SEC14L4: variants seen among roughly 807,000 people sequenced by gnomAD.
The protein encoded by SEC14L4 is SEC14 like lipid binding 4.
A neutral mutation model predicts 55.1 loss-of-function variants in SEC14L4; 42 were observed. The observed-to-expected ratio is 0.76, with a 90% confidence interval of 0.60 to 0.99. The LOEUF (loss-of-function observed/expected upper bound fraction) is 0.99. SEC14L4 is among the 50% of genes least tolerant of loss of function. The pLI, the probability that SEC14L4 is intolerant of heterozygous loss-of-function variation, is 0.00. For missense variants in SEC14L4, 445 were observed against 512.1 expected, an observed-to-expected ratio of 0.87 and a Z score of 1.27; for synonymous variants, 206 against 206.8, an observed-to-expected ratio of 1.00 and a Z score of 0.03.
chr22:30,504,988 C>T (rs1361189573), intron 1 of SEC14L4, among the ~76,000 whole-genome samples: 3 of 151,900 alleles, frequency 2.0e-5, no homozygotes, highest in Non-Finnish European at 2.9e-5. Flanking sequence ...AAAAATTAGT[C>T]GGGTGTGGTG....
chr22:30,496,803 G>A (rs1936166509), intron 2 of SEC14L4, among the ~76,000 whole-genome samples: 1 of 152,210 alleles, frequency 6.6e-6, no homozygotes, highest in Non-Finnish European at 1.5e-5. Flanking sequence ...CTGGCTCACA[G>A]TAGGTTCTCA....
intron 1 of SEC14L4, among the ~76,000 whole-genome samples, chr22:30,504,829 A>G (rs1297319165): frequency 6.6e-6 from 1 of 152,144 alleles, no homozygotes; most frequent in African/African-American, 2.4e-5. Context: ...GGGATTAGAA[A>G]TATGAGGCCG....
At chr22:30,495,167 G>A in intron 5 of SEC14L4, 87 bp downstream of exon 5, 1 of 1,314,592 alleles carries the variant, frequency 7.6e-7, no homozygotes, top group Non-Finnish European at 1.0e-6. Context: ...GGGTGCTGAG[G>A]GCTGGGGAGG....
chr22:30,502,736 A>C (rs1936367971), intron 2 of SEC14L4, among the ~76,000 whole-genome samples: 1 of 152,050 alleles, frequency 6.6e-6, no homozygotes, highest in Admixed American at 6.6e-5. Context: ...TTTTTTGTAG[A>C]GATGAGGTTT....
intron 1 of SEC14L4, among the ~76,000 whole-genome samples, chr22:30,504,578 G>C (rs991828542): frequency 6.6e-6 from 1 of 152,162 alleles, no homozygotes; most frequent in African/African-American, 2.4e-5. Flanking sequence ...GCTTGGCTCC[G>C]AGCAGGTGTC....
rs577785386 is a variant in SEC14L4 at position 30,505,678 on chromosome 22, C to G, written c.-67G>C. The G allele has an allele frequency of 5.2e-4, 747 of 1,440,352 alleles. 5 individuals are homozygous for G. The South Asian group carries it at 5.6e-3, about 11-fold the overall frequency. 89.2% of individuals were successfully genotyped at this position (1,440,352 alleles called of 1,614,324 possible). ...CGCCCGCCGCCGCCTGGCCTTGTAT[C>G]CGCTGCCGCCTGGTTGTGCCTCCTG... On this transcript the variant is annotated 5_prime_UTR_variant, in exon 1 of 12. Transcript: ENST00000255858.
At chr22:30,492,641 A>G (rs1936003766) in intron 7 of SEC14L4, 84 bp from the exon 8 acceptor site, 1 of 1,059,882 alleles carries the variant, frequency 9.4e-7, no homozygotes, top group Non-Finnish European at 1.5e-6. Flanking sequence ...GGTGCTGGAC[A>G]GGAGGTGGAC....
At chr22:30,491,352 G>A (rs1298489271) in intron 11 of SEC14L4, 1 of 598,952 alleles carries the variant, frequency 1.7e-6, no homozygotes, top group East Asian at 2.8e-5. Flanking sequence ...CTTCTTAGGA[G>A]CTGAGCCCAA....
Position 30,494,135 on chromosome 22 carries a change from C to T in SEC14L4, c.580+15G>A, listed in dbSNP as rs369754839. On this transcript the variant is annotated intron_variant, in intron 7 of 11. Coordinates refer to ENST00000255858, the MANE Select transcript of SEC14L4 (RefSeq NM_174977.4). ...CTTCTCCCTCCCCAGGAGGTCATCC[C>T]GGTCATGGGCTTACCTCGAATAACA... is the stretch of plus-strand genomic sequence containing the variant. 3.7e-5 allele frequency: 60 copies of T among 1,604,130 alleles called. No individual in the cohort carries two copies. Among genetic ancestry groups the T allele is most frequent in the Middle Eastern group, 3.3e-4 (2 of 6,070 alleles).
rs373953875 is a variant in SEC14L4, at chr22:30,496,561, A to AC, written c.131-591dup. ...TTGATGTCCCTCAGGAAGCAGAGAC[A>AC]CCCCCCCCCACCACCTGCACAGTGT... On this transcript the variant is annotated intron_variant, in intron 2 of 11. Transcript: ENST00000255858. Among the ~76,000 whole-genome samples, 1,423 of 149,036 alleles carry AC rather than the reference A, an allele frequency of 9.5e-3. 7 individuals are homozygous for AC. The highest frequency in any genetic ancestry group is 0.052 in the Middle Eastern group (15 of 290).
chr22:30,500,650 G>A (rs1184249594), intron 2 of SEC14L4, among the ~76,000 whole-genome samples: 3 of 151,452 alleles, frequency 2.0e-5, no homozygotes, highest in Non-Finnish European at 4.4e-5. Context: ...ACAGGAGTGA[G>A]CCACTGTGCC....
chr22:30,505,457 C>G, intron 1 of SEC14L4, 101 bp downstream of exon 1: 1 of 1,237,342 alleles, frequency 8.1e-7, no homozygotes, highest in Non-Finnish European at 1.1e-6. Flanking sequence ...TCTCTCCAGG[C>G]TCGGTGTTCC....
At position 30,491,681 on chromosome 22, in the gene SEC14L4, C is replaced by G. The variant is rs115178857; in HGVS notation, c.973G>C (p.Gly325Arg). The change falls in exon 11 of 12, where the codon GGG (glycine) becomes CGG (arginine). Residue 325 changes from glycine (G) to arginine (R), a missense_variant. Transcript: ENST00000255858. Reference sequence around the variant, plus strand: ...ATCTCCCTAGCACTCTGCTGCTCCCCCATCTTGGTCTTCAGGAAAACCCCA... The same window carrying G: ...ATCTCCCTAGCACTCTGCTGCTCCCGCATCTTGGTCTTCAGGAAAACCCCA... ...GFGVFLKTKM[G>R]EQQSAREMTE... 2.4e-3 allele frequency: 3,833 copies of G among 1,614,162 alleles called. 60 individuals carry two copies. The African/African-American group carries it at 0.041, about 17-fold the overall frequency.
In SEC14L4 at chr22:30,491,630, A is replaced by G. The variant is rs1350726122; in HGVS notation, c.1024T>C (p.Tyr342His). The change falls in exon 11 of 12, where the codon TAC becomes CAC. Residue 342 changes from tyrosine (Y) to histidine (H), a missense_variant. Transcript: ENST00000255858. Reference protein sequence around the residue: ...EMTEVLPSQRYNAHMVPEDGS... With the variant: ...EMTEVLPSQRHNAHMVPEDGS... ...TCCTCAGGCACCATGTGGGCATTGT[A>G]GCGCTGGCTGGGCAGCACCTCCGTC... 4 of 1,614,040 alleles carry G rather than the reference A, an allele frequency of 2.5e-6. No homozygotes were observed. The African/African-American group carries it at 4.0e-5, about 16-fold the overall frequency.
chr22:30,491,491 C>T (rs1935949415), intron 11 of SEC14L4, 82 bp downstream of exon 11: 2 of 1,544,020 alleles, frequency 1.3e-6, no homozygotes, highest in African/African-American at 2.7e-5. Context: ...GATCCCCCCA[C>T]CCTCCCGAGA....
At position 30,489,439 on chromosome 22, in the gene SEC14L4, C is replaced by T. The variant is rs1051518775; in HGVS notation, c.*668G>A. 2.4e-5 allele frequency: 5 copies of T among 209,286 alleles called. No homozygotes were observed. Among genetic ancestry groups the T allele is most frequent in the Non-Finnish European group, 3.9e-5 (4 of 103,384 alleles). The allele number at this position is 209,286 out of a possible 1,614,324, so 13.0% of individuals were successfully genotyped here. ...ATTTTTAGTAGAGACAGGGTTTCAC[C>T]ATGTTGCCCAGGCTGGTCCCGAACT... On this transcript the variant is annotated 3_prime_UTR_variant, in exon 12 of 12. Transcript: ENST00000255858.
intron 2 of SEC14L4, 134 bp downstream of exon 2, chr22:30,503,543 G>A (rs1936397584): frequency 2.0e-6 from 1 of 507,326 alleles, no homozygotes. Flanking sequence ...GATTACAGGT[G>A]TGAGCCACCG....
At chr22:30,497,367 A>C (rs1342750680) in intron 2 of SEC14L4, among the ~76,000 whole-genome samples, 2 of 150,694 alleles carry the variant, frequency 1.3e-5, no homozygotes, top group Non-Finnish European at 3.0e-5. Context: ...ACAACAACAA[A>C]CACAAAACTT....
At chr22:30,503,397 T>G (rs1418711834) in intron 2 of SEC14L4, among the ~76,000 whole-genome samples, 2 of 152,038 alleles carry the variant, frequency 1.3e-5, no homozygotes, top group African/African-American at 2.4e-5. Flanking sequence ...CCTGAGTAGC[T>G]GAGATTACAG....
Sources: gnomAD v4.1 joint callset for allele counts (sites outside exome capture counted in the v4.1 genomes callset) on GRCh38, gnomAD v4.1.1 for gene constraint, MANE v1.5 for transcripts, NCBI Gene and HGNC (gene_info 2026-07-23, HGNC 2026-07-21) for gene names.